TTBK2: variants seen among roughly 807,000 people sequenced by gnomAD.
The protein encoded by TTBK2 is tau tubulin kinase 2, also known as tau-tubulin kinase 2.
In TTBK2, 28 loss-of-function variants were observed where a neutral mutation model predicts 110.8. The observed-to-expected ratio is 0.25, with a 90% CI of 0.19 to 0.35. TTBK2 has a LOEUF of 0.35. TTBK2 is among the 10% of genes least tolerant of loss of function. TTBK2 has a pLI of 1.00. For missense variants in TTBK2, 1,369 were observed against 1,500.3 expected, an observed-to-expected ratio of 0.91 and a Z score of 1.45; for synonymous variants, 532 against 527.3, an observed-to-expected ratio of 1.01 and a Z score of -0.12.
chr15:42,811,336 C>T (rs1484361370), intron 8 of TTBK2, among the ~76,000 whole-genome samples: 1 of 152,138 alleles, frequency 6.6e-6, no homozygotes, highest in Non-Finnish European at 1.5e-5. Context: ...TCTTTATCAA[C>T]ACATGTGTTT....
Position 42,787,079 on chromosome 15 carries a change from A to G in TTBK2, c.981-3444T>C, listed in dbSNP as rs564375162. Among the ~76,000 whole-genome samples the G allele has an allele frequency of 1.2e-3, 178 of 152,316 alleles. 1 individual carries two copies. Among genetic ancestry groups the G allele is most frequent in the African/African-American group, 3.9e-3 (164 of 41,572 alleles). The stretch of plus-strand genomic sequence containing the variant: ...ATATCCTTTTCATATTTCATTCCCC[A>G]TAATCTAAGGCAAACTAGTGCTTGT... On this transcript the variant is annotated intron_variant, in intron 10 of 14. Coordinates refer to ENST00000267890, the MANE Select transcript of TTBK2 (RefSeq NM_173500.4).
Position 42,826,739 on chromosome 15 carries a change from C to T in TTBK2, c.537+1189G>A, listed in dbSNP as rs546319948. Among the ~76,000 whole-genome samples the T allele has an allele frequency of 9.2e-5, 14 of 152,262 alleles. No individual in the cohort carries two copies. The East Asian group carries it at 1.7e-3, about 19-fold the overall frequency. On this transcript the variant is annotated intron_variant, in intron 6 of 14. Transcript: ENST00000267890. ...GTCATTCTGAACCTATTCTTATTCTCGGGGCTACCTGATTCATGAATCATT... is the reference window on the plus strand; with the variant it reads ...GTCATTCTGAACCTATTCTTATTCTTGGGGCTACCTGATTCATGAATCATT...
intron 4 of TTBK2, among the ~76,000 whole-genome samples, chr15:42,838,156 C>T (rs979134218): frequency 8.6e-5 from 13 of 152,032 alleles, no homozygotes; most frequent in African/African-American, 2.4e-4. Flanking sequence ...TGCAGTGAGC[C>T]GAGATCGCGC....
intron 13 of TTBK2, among the ~76,000 whole-genome samples, chr15:42,766,729 C>G (rs1380784420): frequency 6.6e-6 from 1 of 152,134 alleles, no homozygotes; most frequent in Non-Finnish European, 1.5e-5. Context: ...ATGAACCAGA[C>G]AGAAGGTTAA....
intron 3 of TTBK2, among the ~76,000 whole-genome samples, chr15:42,870,350 G>A (rs150421660): frequency 6.6e-6 from 1 of 151,990 alleles, no homozygotes; most frequent in African/African-American, 2.4e-5. Context: ...CACACTTTAG[G>A]GTCAAAGAGA....
intron 11 of TTBK2, among the ~76,000 whole-genome samples, chr15:42,778,599 C>A (rs916540700): frequency 5.3e-5 from 8 of 152,042 alleles, no homozygotes; most frequent in Non-Finnish European, 1.2e-4. Context: ...ACCCAGGAGA[C>A]GGAGGTTGCA....
Position 42,777,153 on chromosome 15 carries a change from C to T in TTBK2, c.1287G>A (p.Glu429=). 1 of 1,614,188 alleles carries T rather than the reference C, an allele frequency of 6.2e-7. No individual in the cohort carries two copies. Among genetic ancestry groups the T allele is most frequent in the Non-Finnish European group, 8.5e-7 (1 of 1,180,044 alleles). The change falls in exon 12 of 15, where the codon GAG becomes GAA. Residue 429 remains glutamate, a synonymous_variant. Coordinates refer to ENST00000267890, the MANE Select transcript of TTBK2 (RefSeq NM_173500.4). ...GAATATCTCTGTCTGGCTGAGTAAT[C>T]TCTGAGCGGACACGAATTGGTGACC... ...SLGSPIRVRS[E]ITQPDRDIPL...
At position 42,775,193 on chromosome 15, in the gene TTBK2, A is replaced by T. The variant is rs372497785; in HGVS notation, c.1940T>A (p.Phe647Tyr). Residue 647 changes from phenylalanine (F) to tyrosine (Y), a missense_variant, in exon 13 of 15, where the codon TTT becomes TAT. Physicochemically the swap from Phe to Tyr is conservative, Grantham distance 22. Coordinates refer to ENST00000267890, the MANE Select transcript of TTBK2 (RefSeq NM_173500.4). ...LELQPGAASQ[F>Y]IAATPTSLME... ...TAGACTTGTGGGCGTCGCTGCAATAAACTGACTAGCAGCTCCAGGCTGGAG... is the reference window on the plus strand; with the variant it reads ...TAGACTTGTGGGCGTCGCTGCAATATACTGACTAGCAGCTCCAGGCTGGAG... 5 of 1,614,236 alleles carry T rather than the reference A, an allele frequency of 3.1e-6. No homozygotes were observed. Among genetic ancestry groups the T allele is most frequent in the South Asian group, 1.1e-5 (1 of 91,088 alleles).
In TTBK2 at chr15:42,753,150, T is replaced by C. The variant is rs1276353932; in HGVS notation, c.2096A>G (p.Glu699Gly). ...QPEKKDLQPM[E>G]PTVELYSPRE... is the part of the protein sequence containing the mutation. ...TGGAGAGTAAAGTTCCACAGTGGGCTCCATGGGCTGAAGATCTTTCTTCTC... is the reference window on the plus strand; with the variant it reads ...TGGAGAGTAAAGTTCCACAGTGGGCCCCATGGGCTGAAGATCTTTCTTCTC... Residue 699 changes from glutamate to glycine, a missense_variant, in exon 14 of 15, where the codon GAG (glutamate) becomes GGG (glycine). Transcript: ENST00000267890. 1 of 1,603,036 alleles carries C rather than the reference T, an allele frequency of 6.2e-7. No individual in the cohort carries two copies. Among genetic ancestry groups the C allele is most frequent in the Admixed American group, 1.7e-5 (1 of 57,186 alleles).
intron 13 of TTBK2, among the ~76,000 whole-genome samples, chr15:42,763,143 CATATATATATATACAT>C (rs1408554372): frequency 9.8e-5 from 5 of 51,152 alleles, no homozygotes; most frequent in Non-Finnish European, 1.5e-4. Flanking sequence ...TATATACATA[CATATATATATATACAT>C]ATATATATAT....
At chr15:42,831,412 T>C (rs1421633086) in intron 4 of TTBK2, among the ~76,000 whole-genome samples, 2 of 152,096 alleles carry the variant, frequency 1.3e-5, no homozygotes, top group Non-Finnish European at 2.9e-5. Context: ...ACTCAACATA[T>C]GCTAACTATT....
rs1034408608 is a variant in TTBK2 at position 42,872,825 on chromosome 15, C to G, written c.70-67G>C. The G allele has an allele frequency of 3.2e-6, 5 of 1,569,554 alleles. No homozygotes were observed. In the Admixed American group the frequency reaches 6.9e-5, roughly 22 times the overall value. ...AGATTCTAACTTGAAAGCAATTGAT[C>G]TCTTATATTTAGAAAATGTATAATT... On this transcript the variant is annotated intron_variant, in intron 2 of 14. Transcript: ENST00000267890.
At chr15:42,911,858 C>T (rs1435221323) in intron 1 of TTBK2, among the ~76,000 whole-genome samples, 4 of 152,146 alleles carry the variant, frequency 2.6e-5, no homozygotes, top group Admixed American at 6.6e-5. Flanking sequence ...GATTAATCTA[C>T]ATCAGGGGTG....
chr15:42,761,748 G>C (rs1309079991), intron 13 of TTBK2, among the ~76,000 whole-genome samples: 1 of 152,142 alleles, frequency 6.6e-6, no homozygotes, highest in African/African-American at 2.4e-5. Context: ...ATGAGATATT[G>C]TATCACCCCA....
rs2061764870 is a variant in TTBK2, at chr15:42,744,018, A to T, written c.*1777T>A. The T allele has an allele frequency of 6.6e-6, 1 of 152,214 alleles. No homozygotes were observed. The allele number at this position is 152,214 out of a possible 1,614,324, so 9.4% of individuals were successfully genotyped here. Reference sequence around the variant, plus strand: ...TATTTATATAATTTACCATGAAGACATGCAAGTAGTGTTATAGCAACTATT... The same window carrying T: ...TATTTATATAATTTACCATGAAGACTTGCAAGTAGTGTTATAGCAACTATT... On this transcript the variant is annotated 3_prime_UTR_variant, in exon 15 of 15. Coordinates refer to ENST00000267890, the MANE Select transcript of TTBK2 (RefSeq NM_173500.4).
At chr15:42,835,030 C>T (rs889739569) in intron 4 of TTBK2, among the ~76,000 whole-genome samples, 7 of 152,144 alleles carry the variant, frequency 4.6e-5, no homozygotes, top group African/African-American at 7.2e-5. Flanking sequence ...AAGTAGTAGT[C>T]CTGCCTTTCC....
At position 42,817,105 on chromosome 15, in the gene TTBK2, G is replaced by A. The variant is rs770392910; in HGVS notation, c.538-8C>T. 1.1e-5 allele frequency: 18 copies of A among 1,602,264 alleles called. No individual in the cohort carries two copies. The highest frequency in any genetic ancestry group is 1.4e-5 in the Non-Finnish European group (16 of 1,172,880). ...ACCTGCCACAGCTCGAGGCTACAACGAAGCCATGCAAAGAATAATAAATGA... is the reference window on the plus strand; with the variant it reads ...ACCTGCCACAGCTCGAGGCTACAACAAAGCCATGCAAAGAATAATAAATGA... On this transcript the variant is annotated splice_polypyrimidine_tract_variant and splice_region_variant and intron_variant, in intron 6 of 14. Coordinates refer to ENST00000267890, the MANE Select transcript of TTBK2 (RefSeq NM_173500.4).
intron 13 of TTBK2, among the ~76,000 whole-genome samples, chr15:42,771,400 T>G (rs1030834040): frequency 6.6e-6 from 1 of 152,226 alleles, no homozygotes; most frequent in African/African-American, 2.4e-5. Context: ...TCCCCATTCC[T>G]GTAAACAGCC....
chr15:42,883,432 A>G (rs905116262), intron 1 of TTBK2, among the ~76,000 whole-genome samples: 8 of 151,814 alleles, frequency 5.3e-5, no homozygotes, highest in Non-Finnish European at 8.8e-5. Context: ...AAGGGACTCA[A>G]GATTGCGGTT....
Sources: allele counts gnomAD v4.1 joint callset (sites outside exome capture counted in the v4.1 genomes callset), GRCh38; gene constraint gnomAD v4.1.1; transcripts MANE v1.5; gene names NCBI Gene and HGNC (gene_info 2026-07-23, HGNC 2026-07-21).